Variants in IQCM observed in about 807,000 individuals in gnomAD.
IQCM encodes the protein IQ motif containing M, also known as IQ domain-containing protein M.
A neutral mutation model predicts 57.6 loss-of-function variants in IQCM; 45 were observed. The observed-to-expected ratio is 0.78, with a 90% confidence interval of 0.62 to 1.00. The LOEUF (loss-of-function observed/expected upper bound fraction) is 1.00. Ranked by LOEUF, IQCM falls within the 50% of genes least tolerant of loss-of-function variation. IQCM has a pLI of 0.00. For missense variants in IQCM, 468 were observed against 511.6 expected (o/e 0.91, Z 0.82); for synonymous variants, 148 against 158.9 (o/e 0.93, Z 0.51).
At chr4:149,370,128 A>G (rs111362438) in intron 13 of IQCM, among the ~76,000 whole-genome samples, 1 of 152,172 alleles carries the variant, frequency 6.6e-6, no homozygotes, top group Non-Finnish European at 1.5e-5. Context: ...TCCTGCCCTG[A>G]GGCAATCCTC....
intron 12 of IQCM, among the ~76,000 whole-genome samples, chr4:149,513,690 C>A (rs1045656708): frequency 1.3e-5 from 2 of 151,972 alleles, no homozygotes; most frequent in African/African-American, 4.8e-5. Context: ...ATACTAAGAG[C>A]CTTTTGGGAG....
intron 7 of IQCM, among the ~76,000 whole-genome samples, chr4:149,677,400 C>T (rs1761838933): frequency 2.0e-5 from 3 of 152,056 alleles, no homozygotes; most frequent in Admixed American, 2.0e-4. Context: ...ATTGGGACTT[C>T]CTGCACTTGG....
At chr4:149,615,134 G>GT (rs5862889) in intron 8 of IQCM, among the ~76,000 whole-genome samples, 3,366 of 150,400 alleles carry the variant, frequency 0.022, 99 homozygotes, top group South Asian at 0.15. Context: ...GTTAGATGTT[G>GT]TTTTTTTTTC....
chr4:149,660,069 T>C (rs908867500), intron 7 of IQCM, among the ~76,000 whole-genome samples: 4 of 151,322 alleles, frequency 2.6e-5, no homozygotes, highest in South Asian at 2.1e-4. Context: ...AGAAAATTTT[T>C]GCAACCTACT....
chr4:149,620,352 T>C (rs1414285222), intron 8 of IQCM, among the ~76,000 whole-genome samples: 4 of 151,658 alleles, frequency 2.6e-5, no homozygotes, highest in Admixed American at 1.3e-4. Context: ...TGGTATTTTG[T>C]AATAACAGCA....
intron 13 of IQCM, among the ~76,000 whole-genome samples, chr4:149,406,166 T>C (rs1732967438): frequency 6.6e-6 from 1 of 152,032 alleles, no homozygotes; most frequent in South Asian, 2.1e-4. Context: ...AGCCAGGAAC[T>C]GTCAGGCACA....
chr4:149,767,484 T>G (rs915642514), intron 2 of IQCM, among the ~76,000 whole-genome samples: 2 of 152,134 alleles, frequency 1.3e-5, no homozygotes, highest in African/African-American at 4.8e-5. Context: ...TTTAATTTGG[T>G]TCATTCTTGC....
At chr4:149,761,206 T>TA (rs1286488208) in intron 2 of IQCM, among the ~76,000 whole-genome samples, 2 of 152,106 alleles carry the variant, frequency 1.3e-5, no homozygotes, top group East Asian at 1.9e-4. Flanking sequence ...ACTAAATACT[T>TA]AAAAAATCAT....
intron 10 of IQCM, among the ~76,000 whole-genome samples, chr4:149,560,269 A>C (rs1360902548): frequency 6.6e-6 from 1 of 152,244 alleles, no homozygotes; most frequent in Admixed American, 6.5e-5. Flanking sequence ...TCTTATGGTA[A>C]TATTGAAACT....
At chr4:149,806,930 C>A (rs541152540) in intron 2 of IQCM, among the ~76,000 whole-genome samples, 1 of 151,348 alleles carries the variant, frequency 6.6e-6, no homozygotes, top group Admixed American at 6.6e-5. Flanking sequence ...ACAATAGCTA[C>A]AAAACAGGAA....
chr4:149,386,540 A>G (rs1336635514), intron 13 of IQCM, among the ~76,000 whole-genome samples: 1 of 152,058 alleles, frequency 6.6e-6, no homozygotes, highest in Non-Finnish European at 1.5e-5. Context: ...TATCATAACT[A>G]ACATAAATAG....
rs35383107 is a variant in IQCM at position 149,775,040 on chromosome 4, C to CAA, written c.-48-32303_-48-32302dup. ...CACATTTTTCTTGAGTTCTTTTTGC[C>CAA]AAAAAAAAAAAAAAAAAAAAAAATC... On this transcript the variant is annotated intron_variant, in intron 2 of 13. Coordinates refer to ENST00000636793, the MANE Select transcript of IQCM (RefSeq NM_001363507.2). 7.2e-3 allele frequency among the ~76,000 whole-genome samples: 621 copies of CAA among 86,826 alleles called. 5 individuals carry two copies. Among genetic ancestry groups the CAA allele is most frequent in the African/African-American group, 0.011 (302 of 27,040 alleles). The allele number at this position is 86,826 out of a possible 152,430, so 57.0% of individuals were successfully genotyped here.
chr4:149,790,193 G>A (rs1580306331), intron 2 of IQCM: 1 of 391,866 alleles, frequency 2.6e-6, no homozygotes, highest in East Asian at 4.4e-5. Context: ...GGAAGAACAT[G>A]AAGAATATTG....
intron 13 of IQCM, among the ~76,000 whole-genome samples, chr4:149,362,096 G>A (rs1250121244): frequency 6.6e-6 from 1 of 152,118 alleles, no homozygotes; most frequent in Non-Finnish European, 1.5e-5. Context: ...ACTGGATTTT[G>A]GACTTGCATG....
chr4:149,619,291 G>A (rs995313161), intron 8 of IQCM, among the ~76,000 whole-genome samples: 3 of 151,938 alleles, frequency 2.0e-5, no homozygotes, highest in East Asian at 1.9e-4. Context: ...ACTATGGGTA[G>A]CGATGGTCAT....
chr4:149,469,881 T>C (rs1431295469), intron 12 of IQCM, among the ~76,000 whole-genome samples: 1 of 152,116 alleles, frequency 6.6e-6, no homozygotes, highest in Non-Finnish European at 1.5e-5. Flanking sequence ...CTAAGCTTCA[T>C]AAGTGAAGGA....
intron 9 of IQCM, among the ~76,000 whole-genome samples, chr4:149,571,120 T>A (rs1190610859): frequency 6.6e-6 from 1 of 152,074 alleles, no homozygotes; most frequent in Non-Finnish European, 1.5e-5. Context: ...GAATACCATT[T>A]AATCCAGCTA....
intron 8 of IQCM, among the ~76,000 whole-genome samples, chr4:149,604,218 T>C (rs1295378667): frequency 2.0e-5 from 3 of 152,172 alleles, no homozygotes; most frequent in African/African-American, 7.2e-5. Context: ...TGATTGTGAA[T>C]CCACTTATCT....
intron 2 of IQCM, among the ~76,000 whole-genome samples, chr4:149,813,461 A>G (rs1354316576): frequency 6.6e-6 from 1 of 152,104 alleles, no homozygotes; most frequent in African/African-American, 2.4e-5. Context: ...ACACCCAAGA[A>G]AGCTCAATCT....
Sources: allele counts gnomAD v4.1 joint callset (sites outside exome capture counted in the v4.1 genomes callset), GRCh38; gene constraint gnomAD v4.1.1; transcripts MANE v1.5; gene names NCBI Gene and HGNC (gene_info 2026-07-23, HGNC 2026-07-21).